The following N4BP2 variants were observed in gnomAD, a reference collection of about 807,000 sequenced individuals.
N4BP2 encodes NEDD4-binding protein 2.
N4BP2 carries 91 observed loss-of-function variants against 152.8 expected under a neutral mutation model. The ratio of observed to expected loss-of-function variants is 0.60; its 90% CI spans 0.50 to 0.71. The LOEUF (loss-of-function observed/expected upper bound fraction) is 0.71. Ranked by LOEUF, N4BP2 falls within the 30% of genes least tolerant of loss-of-function variation. The pLI is 0.00. For missense variants in N4BP2, 1,923 were observed against 2,059.1 expected (o/e 0.93, Z 1.28); for synonymous variants, 646 against 705.3 (o/e 0.92, Z 1.33).
intron 2 of N4BP2, among the ~76,000 whole-genome samples, chr4:40,084,903 C>T (rs1273369969): frequency 6.7e-6 from 1 of 148,454 alleles, no homozygotes; most frequent in Non-Finnish European, 1.5e-5. Flanking sequence ...GTGTGAGCCA[C>T]AGCGCCTGGC....
chr4:40,154,193 T>C lies in N4BP2; in HGVS notation c.5269T>C (p.Phe1757Leu), dbSNP rs1347413287. Residue 1757 changes from phenylalanine to leucine, a missense_variant and splice_region_variant, in exon 18 of 18, where the codon TTC becomes CTC. Transcript: ENST00000261435. Reference protein sequence around the residue: ...IKYLISHSFRFSEIKPGCLKV... With the variant: ...IKYLISHSFRLSEIKPGCLKV... ...ATAACTCTTTTCTCATTTCTGCAGGTTCTCTGAAATTAAACCAGGGTGCTT... is the reference window on the plus strand; with the variant it reads ...ATAACTCTTTTCTCATTTCTGCAGGCTCTCTGAAATTAAACCAGGGTGCTT... The C allele has an allele frequency of 6.3e-7, 1 of 1,599,716 alleles. No homozygotes were observed. Among genetic ancestry groups the C allele is most frequent in the Non-Finnish European group, 8.5e-7 (1 of 1,171,516 alleles).
At chr4:40,174,895 T>C in the N4BP2 span, among the ~76,000 whole-genome samples, 1 of 133,576 alleles carries the variant, frequency 7.5e-6, no homozygotes, top group African/African-American at 2.7e-5. Flanking sequence ...TTATTCAGCC[T>C]AAAAAAAAAA....
intron 2 of N4BP2, among the ~76,000 whole-genome samples, chr4:40,086,163 T>A (rs1713931110): frequency 6.7e-6 from 1 of 149,964 alleles, no homozygotes; most frequent in African/African-American, 2.4e-5. Context: ...TTTTTGTATT[T>A]TTATTAGAGA....
rs759732772 is a variant in N4BP2 at position 40,120,371 on chromosome 4, G to A, written c.2260G>A (p.Glu754Lys). Reference sequence around the variant, plus strand: ...TCAAAATGAAAAATCCTCACCTGGTGAAATAGTGGAAGAAAGAGCAACAGT... The same window carrying A: ...TCAAAATGAAAAATCCTCACCTGGTAAAATAGTGGAAGAAAGAGCAACAGT... ...PLQNEKSSPG[E>K]IVEERATVTK... Residue 754 changes from glutamate (E) to lysine (K), a missense_variant, in exon 9 of 18, where the codon GAA becomes AAA. Physicochemically the swap from Glu to Lys is moderately conservative, Grantham distance 56. Transcript: ENST00000261435. 1.2e-6 allele frequency: 2 copies of A among 1,613,508 alleles called. No individual in the cohort carries two copies. Among genetic ancestry groups the A allele is most frequent in the South Asian group, 2.2e-5 (2 of 91,058 alleles).
chr4:40,111,374 A>T (rs1412008922), intron 5 of N4BP2, among the ~76,000 whole-genome samples: 1 of 151,424 alleles, frequency 6.6e-6, no homozygotes, highest in Non-Finnish European at 1.5e-5. Flanking sequence ...AGGCTGGAGT[A>T]CAATGGCGTG....
intron 7 of N4BP2, among the ~76,000 whole-genome samples, chr4:40,114,567 A>G (rs1717185704): frequency 6.6e-6 from 1 of 151,916 alleles, no homozygotes; most frequent in Admixed American, 6.6e-5. Context: ...CTTCCTTTTC[A>G]TTTCCTTTTG....
chr4:40,103,977 C>T lies in N4BP2; in HGVS notation c.1373+759C>T, dbSNP rs145181681. On this transcript the variant is annotated intron_variant, in intron 4 of 17. Transcript: ENST00000261435. ...TATGCTAGTTCTTTTTTTTTTGAGACGGAGTCTTGCTCTGTTGCCCAGGCT... is the reference window on the plus strand; with the variant it reads ...TATGCTAGTTCTTTTTTTTTTGAGATGGAGTCTTGCTCTGTTGCCCAGGCT... Among the ~76,000 whole-genome samples the T allele has an allele frequency of 5.3e-3, 810 of 151,620 alleles. 9 individuals are homozygous for T. Among genetic ancestry groups the T allele is most frequent in the African/African-American group, 0.019 (780 of 41,350 alleles).
At chr4:40,190,184 G>A in the N4BP2 span, among the ~76,000 whole-genome samples, 33 of 152,264 alleles carry the variant, frequency 2.2e-4, no homozygotes, top group Non-Finnish European at 4.7e-4. Context: ...AAACTCAGGC[G>A]AGCAGGCTAT....
chr4:40,184,871 G>T, the N4BP2 span, among the ~76,000 whole-genome samples: 341 of 152,106 alleles, frequency 2.2e-3, no homozygotes, highest in African/African-American at 7.0e-3. Context: ...CGTAAGAATC[G>T]CTTGAACCTG....
the N4BP2 span, among the ~76,000 whole-genome samples, chr4:40,179,453 T>C: frequency 9.8e-5 from 15 of 152,346 alleles, no homozygotes; most frequent in African/African-American, 3.4e-4. Flanking sequence ...CTAATGTTTA[T>C]TGAAATCTTC....
chr4:40,154,357 AAC>A lies in N4BP2; in HGVS notation c.*122_*123del. On this transcript the variant is annotated 3_prime_UTR_variant, in exon 18 of 18. Transcript: ENST00000261435. Reference sequence around the variant, plus strand: ...TATTATAAATAATATTCAATTATGAAACAAAAAAATTATGATGTTTTTCAAAA... The same window carrying A: ...TATTATAAATAATATTCAATTATGAAAAAAAAATTATGATGTTTTTCAAAA... The A allele has an allele frequency of 1.7e-6, 1 of 583,478 alleles. No individual in the cohort carries two copies. Among genetic ancestry groups the A allele is most frequent in the African/African-American group, 2.0e-5 (1 of 50,944 alleles). The allele number at this position is 583,478 out of a possible 1,614,324, so 36.1% of individuals were successfully genotyped here. A position where few individuals can be genotyped will look rare whatever the true frequency, so the allele number is the denominator to read the frequency against.
the N4BP2 span, among the ~76,000 whole-genome samples, chr4:40,176,843 G>T: frequency 1.2e-4 from 18 of 152,190 alleles, no homozygotes; most frequent in African/African-American, 4.1e-4. Context: ...CCTCTTCCTG[G>T]GTAGAACCTG....
intron 12 of N4BP2, among the ~76,000 whole-genome samples, chr4:40,127,361 G>A (rs574002241): frequency 1.0e-3 from 152 of 149,832 alleles, no homozygotes; most frequent in South Asian, 7.6e-3. Flanking sequence ...GGAACCACAG[G>A]CATGTGCCAC....
At chr4:40,125,866 G>A (rs766625153) in intron 11 of N4BP2, among the ~76,000 whole-genome samples, 39 of 136,986 alleles carry the variant, frequency 2.8e-4, no homozygotes, top group African/African-American at 8.7e-4. Flanking sequence ...CAGCCTGGGC[G>A]ACAGAGCAAG....
At position 40,121,518 on chromosome 4, in the gene N4BP2, C is replaced by T. The variant is rs574492764; in HGVS notation, c.3407C>T (p.Thr1136Ile). 20 of 1,614,118 alleles carry T rather than the reference C, an allele frequency of 1.2e-5. No homozygotes were observed. The Admixed American group carries it at 2.3e-4, about 19-fold the overall frequency. ...LDSETKLCED[T>I]EFENFQKSCD... ...TCTGAAACTAAGTTATGTGAGGATACAGAGTTTGAGAATTTCCAAAAATCG... is the reference window on the plus strand; with the variant it reads ...TCTGAAACTAAGTTATGTGAGGATATAGAGTTTGAGAATTTCCAAAAATCG... The change falls in exon 9 of 18, where the codon ACA becomes ATA. Residue 1136 changes from threonine to isoleucine, a missense_variant. Transcript: ENST00000261435.
At chr4:40,175,232 A>G in the N4BP2 span, among the ~76,000 whole-genome samples, 1 of 150,910 alleles carries the variant, frequency 6.6e-6, no homozygotes. Flanking sequence ...TGTGTTACCC[A>G]TGTTACCCAG....
the N4BP2 span, chr4:40,167,044 C>A: frequency 1.7e-3 from 266 of 152,238 alleles, no homozygotes; most frequent in African/African-American, 6.0e-3. Flanking sequence ...TCAGTGTACA[C>A]ATTATATGTA....
chr4:40,078,117 G>T (rs914932288), intron 2 of N4BP2: 2 of 124,576 alleles, frequency 1.6e-5, no homozygotes, highest in Non-Finnish European at 3.5e-5. Context: ...TTCTAAATGT[G>T]TGTGTGTGTG....
At chr4:40,086,726 A>T (rs548285042) in intron 2 of N4BP2, among the ~76,000 whole-genome samples, 2 of 151,922 alleles carry the variant, frequency 1.3e-5, no homozygotes, top group Non-Finnish European at 2.9e-5. Context: ...CTAATTATAT[A>T]TATTATATAG....
Sources: gnomAD v4.1 joint callset for allele counts (sites outside exome capture counted in the v4.1 genomes callset) on GRCh38, gnomAD v4.1.1 for gene constraint, MANE v1.5 for transcripts, NCBI Gene and HGNC (gene_info 2026-07-23, HGNC 2026-07-21) for gene names.